The following PTK2 variants were observed in gnomAD, a reference collection of about 807,000 sequenced individuals.
The protein encoded by PTK2 is protein tyrosine kinase 2.
PTK2 carries 45 observed loss-of-function variants against 150.1 expected under a neutral mutation model. The ratio of observed to expected loss-of-function variants is 0.30; its 90% CI spans 0.24 to 0.38. The LOEUF (loss-of-function observed/expected upper bound fraction) is 0.38. Among genes scored for constraint, PTK2 ranks in the 10% least tolerant of loss-of-function variants. The pLI, the probability that PTK2 is intolerant of heterozygous loss-of-function variation, is 1.00. For synonymous variants in PTK2, 432 were observed against 449.2 expected (o/e 0.96, Z 0.48); for missense variants, 919 against 1,307.3 (o/e 0.70, Z 4.58).
chr8:140,789,280 T>TAAAAAAAAAAAAAAAAA (rs201077713), intron 14 of PTK2, among the ~76,000 whole-genome samples, 194 bp downstream of exon 14: 1 of 123,740 alleles, frequency 8.1e-6, no homozygotes. Flanking sequence ...TGTCCCATCT[T>TAAAAAAAAAAAAAAAAA]AAAAAAAAAA....
At chr8:140,717,232 T>C (rs1397769123) in intron 23 of PTK2, among the ~76,000 whole-genome samples, 1 of 152,152 alleles carries the variant, frequency 6.6e-6, no homozygotes, top group Non-Finnish European at 1.5e-5. Flanking sequence ...TAAAGCAAAA[T>C]GCAAAGCATC....
chr8:140,827,851 C>T (rs1432293956), intron 8 of PTK2, among the ~76,000 whole-genome samples: 2 of 152,178 alleles, frequency 1.3e-5, no homozygotes, highest in East Asian at 3.9e-4. Flanking sequence ...AGATAAAATA[C>T]AAACAAGTAA....
intron 1 of PTK2, among the ~76,000 whole-genome samples, chr8:140,931,070 C>CAAAAAA (rs34438579): frequency 1.1e-4 from 12 of 111,622 alleles, no homozygotes; most frequent in East Asian, 2.3e-4. Flanking sequence ...GACTCTGTCT[C>CAAAAAA]AAAAAAAAAA....
At chr8:140,991,267 A>G (rs905697238) in intron 1 of PTK2, among the ~76,000 whole-genome samples, 2 of 152,192 alleles carry the variant, frequency 1.3e-5, no homozygotes, top group Non-Finnish European at 2.9e-5. Context: ...TGACCCTGTT[A>G]TTATATGCTA....
At chr8:140,847,458 C>T (rs771559110) in intron 5 of PTK2, among the ~76,000 whole-genome samples, 4 of 152,086 alleles carry the variant, frequency 2.6e-5, no homozygotes, top group South Asian at 2.1e-4. Context: ...TTTTCAAAGA[C>T]GAAATGTGTA....
chr8:140,868,141 A>G (rs989246018), intron 4 of PTK2, among the ~76,000 whole-genome samples: 1 of 152,118 alleles, frequency 6.6e-6, no homozygotes, highest in African/African-American at 2.4e-5. Context: ...AAGACACCCA[A>G]AAGTAACCAA....
At chr8:140,894,077 C>T (rs1442437091) in intron 2 of PTK2, among the ~76,000 whole-genome samples, 4 of 152,132 alleles carry the variant, frequency 2.6e-5, no homozygotes, top group Non-Finnish European at 4.4e-5. Flanking sequence ...CCATACTCCC[C>T]CCAATGTGAT....
chr8:140,967,164 G>C (rs1161507503), intron 1 of PTK2, among the ~76,000 whole-genome samples: 1 of 152,122 alleles, frequency 6.6e-6, no homozygotes, highest in African/African-American at 2.4e-5. Flanking sequence ...AGCAAAGAAG[G>C]GAGAGACCAG....
chr8:140,748,270 G>A (rs766935122), intron 17 of PTK2, among the ~76,000 whole-genome samples: 1 of 152,082 alleles, frequency 6.6e-6, no homozygotes, highest in Admixed American at 6.6e-5. Flanking sequence ...GAGGTGGGCC[G>A]ATCACCTGAG....
intron 3 of PTK2, among the ~76,000 whole-genome samples, chr8:140,884,597 C>A (rs568997674): frequency 1.0e-3 from 154 of 152,232 alleles, no homozygotes; most frequent in Non-Finnish European, 1.7e-3. Context: ...ACACTGAAGA[C>A]CGTTGGACTG....
At chr8:140,757,231 T>TA (rs2100066373) in intron 16 of PTK2, among the ~76,000 whole-genome samples, 1 of 152,120 alleles carries the variant, frequency 6.6e-6, no homozygotes, top group Non-Finnish European at 1.5e-5. Context: ...GTAGTCACCT[T>TA]ATCTCCCCCA....
intron 8 of PTK2, among the ~76,000 whole-genome samples, chr8:140,820,227 A>T (rs2100107624): frequency 6.6e-6 from 1 of 150,516 alleles, no homozygotes; most frequent in Non-Finnish European, 1.5e-5. Flanking sequence ...AGCCTCCCTG[A>T]GTAGCTGGGA....
rs545402444 is a variant in PTK2, at chr8:140,967,253, A to C, written c.-122+33872T>G. Among the ~76,000 whole-genome samples the C allele has an allele frequency of 5.9e-5, 9 of 152,334 alleles. No homozygotes were observed. In the East Asian group the frequency reaches 1.7e-3, roughly 29 times the overall value. On this transcript the variant is annotated intron_variant, in intron 1 of 31. Transcript: ENST00000522684. ...CCAAATTAACCACGTAATATTGTTA[A>C]AACAATAAACATGATCTGGGCTTTC...
intron 2 of PTK2, among the ~76,000 whole-genome samples, chr8:140,898,018 A>G (rs1257195069): frequency 6.6e-6 from 1 of 152,214 alleles, no homozygotes; most frequent in Non-Finnish European, 1.5e-5. Flanking sequence ...AGATTTTAAA[A>G]CCAAAAACTG....
chr8:140,746,597 G>T (rs1179142840), intron 18 of PTK2, 163 bp downstream of exon 21: 6 of 491,970 alleles, frequency 1.2e-5, no homozygotes, highest in African/African-American at 4.0e-5. Flanking sequence ...ATTTAATGAT[G>T]AAGATATTTA....
At chr8:140,798,348 G>A (rs1206051754) in intron 12 of PTK2, among the ~76,000 whole-genome samples, 1 of 152,008 alleles carries the variant, frequency 6.6e-6, no homozygotes, top group Non-Finnish European at 1.5e-5. Flanking sequence ...TGATGAAATA[G>A]TTATATAATA....
At chr8:140,920,843 C>T (rs746264143) in intron 2 of PTK2, 14 of 1,527,056 alleles carry the variant, frequency 9.2e-6, no homozygotes, top group Non-Finnish European at 1.2e-5. Flanking sequence ...AAATGGACTA[C>T]ATCCGCTTTT....
chr8:140,979,121 GA>G (rs1158363750), intron 1 of PTK2, among the ~76,000 whole-genome samples: 2 of 105,350 alleles, frequency 1.9e-5, no homozygotes, highest in Admixed American at 1.2e-4. Context: ...GGGGTGGGGG[GA>G]GGGGGGAGGG....
At chr8:140,692,509 C>A (rs532137946) in intron 26 of PTK2, among the ~76,000 whole-genome samples, 1 of 152,102 alleles carries the variant, frequency 6.6e-6, no homozygotes, top group Admixed American at 6.6e-5. Flanking sequence ...CCCAGCTAGT[C>A]GGGAGGCTGA....
Sources: allele counts gnomAD v4.1 joint callset (sites outside exome capture counted in the v4.1 genomes callset), GRCh38; gene constraint gnomAD v4.1.1; transcripts MANE v1.5; gene names NCBI Gene and HGNC (gene_info 2026-07-23, HGNC 2026-07-21).